The following FTO variants were observed in gnomAD, a reference collection of about 807,000 sequenced individuals.
The protein encoded by FTO is FTO alpha-ketoglutarate dependent dioxygenase.
A neutral mutation model predicts 63.9 loss-of-function variants in FTO; 47 were observed. That is an observed-to-expected ratio of 0.74 (90% CI 0.58 to 0.94). The LOEUF (loss-of-function observed/expected upper bound fraction) is 0.94. Among genes scored for constraint, FTO ranks in the 40% least tolerant of loss-of-function variants. The pLI is 0.00. For missense variants in FTO, 562 were observed against 618.1 expected (o/e 0.91, Z 0.96); for synonymous variants, 207 against 224.4 (o/e 0.92, Z 0.69).
At chr16:53,728,301 C>T (rs1030775362) in intron 1 of FTO, among the ~76,000 whole-genome samples, 2 of 152,102 alleles carry the variant, frequency 1.3e-5, no homozygotes, top group Admixed American at 1.3e-4. Context: ...CTGACACAGT[C>T]AATCGTTGTG....
chr16:53,782,598 A>G (rs2077615612), intron 1 of FTO, among the ~76,000 whole-genome samples: 1 of 152,214 alleles, frequency 6.6e-6, no homozygotes, highest in Non-Finnish European at 1.5e-5. Flanking sequence ...AGTCTTAGAG[A>G]TCATTTAATT....
At chr16:53,885,508 G>T (rs1430573249) in intron 6 of FTO, among the ~76,000 whole-genome samples, 1 of 152,172 alleles carries the variant, frequency 6.6e-6, no homozygotes, top group Non-Finnish European at 1.5e-5. Flanking sequence ...GTTTCTGACT[G>T]GCATTAGTGG....
At chr16:53,976,588 G>A (rs866981037) in intron 8 of FTO, among the ~76,000 whole-genome samples, 12 of 152,030 alleles carry the variant, frequency 7.9e-5, no homozygotes, top group African/African-American at 2.4e-4. Context: ...CTTAGATTCC[G>A]ATAGTCAGAT....
At chr16:54,036,598 A>C (rs1421991984) in intron 8 of FTO, among the ~76,000 whole-genome samples, 2 of 152,176 alleles carry the variant, frequency 1.3e-5, no homozygotes, top group African/African-American at 4.8e-5. Context: ...CAGAAGTTAA[A>C]CTCTAGGGTC....
chr16:53,986,530 C>T (rs9924983), intron 8 of FTO, among the ~76,000 whole-genome samples: 81,005 of 152,014 alleles, frequency 0.53, 22,338 homozygotes, highest in East Asian at 0.92. Flanking sequence ...GCATGTAATG[C>T]TGTCTTCTGC....
chr16:53,754,712 G>A (rs2076879466), intron 1 of FTO, among the ~76,000 whole-genome samples: 1 of 152,154 alleles, frequency 6.6e-6, no homozygotes, highest in Non-Finnish European at 1.5e-5. Context: ...GATACACAAT[G>A]CACCAAACAA....
At position 54,075,967 on chromosome 16, in the gene FTO, A is replaced by C. The variant is rs544905167; in HGVS notation, c.1365-35795A>C. ...CCAAATCCCATGAATCTGTCACTAG[A>C]ATATGCGAGGCCGGATTCCCCATCT... On this transcript the variant is annotated intron_variant, in intron 8 of 8. Coordinates refer to ENST00000471389, the MANE Select transcript of FTO (RefSeq NM_001080432.3). Among the ~76,000 whole-genome samples the C allele has an allele frequency of 5.3e-5, 8 of 152,284 alleles. 1 individual carries two copies. The South Asian group carries it at 1.7e-3, about 32-fold the overall frequency.
intron 3 of FTO, among the ~76,000 whole-genome samples, chr16:53,827,610 G>C (rs1377764718): frequency 6.6e-6 from 1 of 152,142 alleles, no homozygotes; most frequent in Non-Finnish European, 1.5e-5. Context: ...CAATTTCCCA[G>C]TCTCAAAAAT....
At chr16:53,950,896 C>T (rs2082781595) in intron 8 of FTO, among the ~76,000 whole-genome samples, 1 of 152,184 alleles carries the variant, frequency 6.6e-6, no homozygotes, top group South Asian at 2.1e-4. Flanking sequence ...TGTTTGCAGA[C>T]TCAGGTGCGG....
intron 1 of FTO, among the ~76,000 whole-genome samples, chr16:53,757,982 A>G (rs1567960578): frequency 6.6e-6 from 1 of 152,232 alleles, no homozygotes; most frequent in African/African-American, 2.4e-5. Context: ...TGGAGTATTC[A>G]GCCTTTCTTT....
chr16:53,876,337 T>C lies in FTO; in HGVS notation c.975+2472T>C, dbSNP rs191104444. Among the ~76,000 whole-genome samples, 501 of 152,308 alleles carry C rather than the reference T, an allele frequency of 3.3e-3. 3 individuals are homozygous for C. Among genetic ancestry groups the C allele is most frequent in the African/African-American group, 0.012 (481 of 41,568 alleles). ...GTTTTGTTTCAGTAAACTTTGGTAA[T>C]AATTACTCATCAATATATAGCACTT... On this transcript the variant is annotated intron_variant, in intron 5 of 8. Coordinates refer to ENST00000471389, the MANE Select transcript of FTO (RefSeq NM_001080432.3).
rs559222598 is a variant in FTO, at chr16:54,007,684, G to C, written c.1364+73575G>C. Among the ~76,000 whole-genome samples, 12 of 152,320 alleles carry C rather than the reference G, an allele frequency of 7.9e-5. No homozygotes were observed. In the South Asian group the frequency reaches 2.3e-3, roughly 29 times the overall value. On this transcript the variant is annotated intron_variant, in intron 8 of 8. Transcript: ENST00000471389. ...CGTGGAGATAAAAGAAAGTGGTAGG[G>C]ACAGTGGCAGACAGCCATCACCCTA...
At chr16:53,842,573 T>C (rs569327252) in intron 3 of FTO, among the ~76,000 whole-genome samples, 2 of 152,198 alleles carry the variant, frequency 1.3e-5, no homozygotes, top group Non-Finnish European at 2.9e-5. Context: ...ATTCCAGTCT[T>C]GTGTATCCTT....
chr16:53,752,016 A>AT lies in FTO; in HGVS notation c.45+47793dup, dbSNP rs1409436755. ...TGTTCTACTTACATGAATTTGCTCC[A>AT]TTTTTTGTACTGGCACATGGGCACA... On this transcript the variant is annotated intron_variant, in intron 1 of 8. Coordinates refer to ENST00000471389, the MANE Select transcript of FTO (RefSeq NM_001080432.3). 2.0e-5 allele frequency among the ~76,000 whole-genome samples: 3 copies of AT among 152,300 alleles called. No individual in the cohort carries two copies. The East Asian group carries it at 5.8e-4, about 29-fold the overall frequency.
chr16:54,003,368 A>C (rs1451455600), intron 8 of FTO, among the ~76,000 whole-genome samples: 1 of 152,232 alleles, frequency 6.6e-6, no homozygotes, highest in Non-Finnish European at 1.5e-5. Context: ...TTTAAAAAGT[A>C]ATTTAATTTG....
chr16:54,063,875 G>A (rs1211703523), intron 8 of FTO: 1 of 151,936 alleles, frequency 6.6e-6, no homozygotes, highest in Admixed American at 6.6e-5. Context: ...GATCGCTATC[G>A]TTAATAAGAT....
chr16:53,749,292 A>G lies in FTO; in HGVS notation c.45+45063A>G, dbSNP rs146056825. Among the ~76,000 whole-genome samples the G allele has an allele frequency of 2.0e-5, 3 of 151,946 alleles. 1 individual carries two copies. The highest frequency in any genetic ancestry group is 7.2e-5 in the African/African-American group (3 of 41,420). On this transcript the variant is annotated intron_variant, in intron 1 of 8. Coordinates refer to ENST00000471389, the MANE Select transcript of FTO (RefSeq NM_001080432.3). ...CAATAGTTTTACTTCTTCCTTTCCT[A>G]TTTGGATGCTTTTTTTCTCTTTTTC... is the stretch of plus-strand genomic sequence containing the variant.
At chr16:53,943,305 A>C (rs2082577134) in intron 8 of FTO, among the ~76,000 whole-genome samples, 1 of 152,164 alleles carries the variant, frequency 6.6e-6, no homozygotes, top group South Asian at 2.1e-4. Flanking sequence ...TACTGTCATT[A>C]TTTGAACAGT....
intron 1 of FTO, among the ~76,000 whole-genome samples, chr16:53,787,450 T>G (rs760134423): frequency 3.3e-5 from 5 of 151,836 alleles, no homozygotes; most frequent in Non-Finnish European, 7.4e-5. Context: ...CAGATCAGGA[T>G]ACTAAGGATT....
Sources: allele counts gnomAD v4.1 joint callset (sites outside exome capture counted in the v4.1 genomes callset), GRCh38; gene constraint gnomAD v4.1.1; transcripts MANE v1.5; gene names NCBI Gene and HGNC (gene_info 2026-07-23, HGNC 2026-07-21).